The following GRIK1 variants were observed in gnomAD, a reference collection of about 807,000 sequenced individuals.
GRIK1 encodes glutamate receptor ionotropic, kainate 1.
A neutral mutation model predicts 105.7 loss-of-function variants in GRIK1; 69 were observed. The observed-to-expected ratio is 0.65, with a 90% CI of 0.54 to 0.80. The LOEUF (loss-of-function observed/expected upper bound fraction) is 0.80, where lower values mean the gene tolerates loss of function less well. Ranked by LOEUF, GRIK1 falls within the 30% of genes least tolerant of loss-of-function variation. The probability of loss-of-function intolerance (pLI) is 0.00; values close to 1 mark genes in which losing one functional copy is unlikely to be tolerated. For synonymous variants in GRIK1, 438 were observed against 431.3 expected, an observed-to-expected ratio of 1.02 and a Z score of -0.19; for missense variants, 1,109 against 1,167.3, an observed-to-expected ratio of 0.95 and a Z score of 0.73.
chr21:29,837,630 G>C (rs1024408645), intron 1 of GRIK1, among the ~76,000 whole-genome samples: 1 of 152,094 alleles, frequency 6.6e-6, no homozygotes, highest in African/African-American at 2.4e-5. Context: ...AAGCTTATGA[G>C]CATATAGTTC....
At chr21:29,788,321 A>G (rs192838146) in intron 1 of GRIK1, among the ~76,000 whole-genome samples, 7 of 152,290 alleles carry the variant, frequency 4.6e-5, no homozygotes, top group African/African-American at 1.7e-4. Flanking sequence ...ATTTGCAGAT[A>G]CCCAACGCCA....
Position 29,737,249 on chromosome 21 carries a change from A to G in GRIK1, c.119-43186T>C, listed in dbSNP as rs532909043. ...CCTGGGCAGTAATTCTGGCTCTAAC[A>G]TTTCTGCTTGAAGCACAAAGAAACT... is the stretch of plus-strand genomic sequence containing the variant. On this transcript the variant is annotated intron_variant, in intron 1 of 17. Coordinates refer to ENST00000327783, the MANE Select transcript of GRIK1 (RefSeq NM_001330994.2). Among the ~76,000 whole-genome samples, 5 of 152,268 alleles carry G rather than the reference A, an allele frequency of 3.3e-5. No individual in the cohort carries two copies. The South Asian group carries it at 1.0e-3, about 32-fold the overall frequency.
At chr21:29,895,704 T>G (rs1266123174) in intron 1 of GRIK1, among the ~76,000 whole-genome samples, 2 of 152,168 alleles carry the variant, frequency 1.3e-5, no homozygotes, top group African/African-American at 4.8e-5. Context: ...TGGTCTTCCT[T>G]TAATACATGC....
intron 3 of GRIK1, among the ~76,000 whole-genome samples, chr21:29,675,112 A>T (rs2063240969): frequency 6.6e-6 from 1 of 152,218 alleles, no homozygotes; most frequent in African/African-American, 2.4e-5. Context: ...TATTATTTAA[A>T]TGAGGAATTC....
intron 4 of GRIK1, among the ~76,000 whole-genome samples, chr21:29,663,446 G>T (rs991029087): frequency 5.3e-5 from 8 of 152,124 alleles, no homozygotes; most frequent in African/African-American, 1.9e-4. Context: ...GGGACTAGGA[G>T]GTGCTTAACT....
Position 29,921,863 on chromosome 21 carries a change from A to G in GRIK1, c.118+17520T>C, listed in dbSNP as rs1353072576. ...TTTGGTTTAAAAATTACCATTGACA[A>G]TACACTTCTTGCATTTCCTAGGTAC... On this transcript the variant is annotated intron_variant, in intron 1 of 17. Coordinates refer to ENST00000327783, the MANE Select transcript of GRIK1 (RefSeq NM_001330994.2). 2.6e-5 allele frequency among the ~76,000 whole-genome samples: 4 copies of G among 152,308 alleles called. No individual in the cohort carries two copies. The East Asian group carries it at 7.7e-4, about 29-fold the overall frequency.
intron 7 of GRIK1, among the ~76,000 whole-genome samples, chr21:29,622,551 C>A (rs969456065): frequency 6.6e-6 from 1 of 152,124 alleles, no homozygotes; most frequent in African/African-American, 2.4e-5. Context: ...TTCTGAGATG[C>A]CAGGGAGATC....
chr21:29,584,184 C>T (rs1303482899), intron 12 of GRIK1, among the ~76,000 whole-genome samples: 3 of 152,128 alleles, frequency 2.0e-5, no homozygotes, highest in African/African-American at 7.2e-5. Flanking sequence ...TGAGAATGCA[C>T]AGTAGGCTGC....
At chr21:29,658,941 A>AT (rs1329352106) in intron 4 of GRIK1, among the ~76,000 whole-genome samples, 1 of 152,094 alleles carries the variant, frequency 6.6e-6, no homozygotes, top group Admixed American at 6.5e-5. Flanking sequence ...GAATAAATAC[A>AT]TTTTTCTGTT....
In GRIK1 at chr21:29,707,107, G is replaced by A. The variant is rs897318299; in HGVS notation, c.119-13044C>T. On this transcript the variant is annotated intron_variant, in intron 1 of 17. Coordinates refer to ENST00000327783, the MANE Select transcript of GRIK1 (RefSeq NM_001330994.2). ...TCCTGATCTCCTGACCTCGTGATCC[G>A]CCCTCCTCGGCCTCCCGAAGTGCTG... Among the ~76,000 whole-genome samples the A allele has an allele frequency of 2.6e-5, 4 of 152,018 alleles. No homozygotes were observed. The South Asian group carries it at 6.2e-4, about 24-fold the overall frequency.
chr21:29,609,171 A>G (rs1399220722), intron 7 of GRIK1, among the ~76,000 whole-genome samples: 1 of 151,082 alleles, frequency 6.6e-6, no homozygotes, highest in Non-Finnish European at 1.5e-5. Flanking sequence ...TTAATAAGAT[A>G]TAGCTTTACA....
chr21:29,712,360 G>A (rs935679821), intron 1 of GRIK1, among the ~76,000 whole-genome samples: 44 of 151,682 alleles, frequency 2.9e-4, no homozygotes, highest in Non-Finnish European at 2.9e-5. Context: ...GAATAAAATG[G>A]TATTGGTACA....
At chr21:29,711,800 A>G (rs2064056469) in intron 1 of GRIK1, among the ~76,000 whole-genome samples, 1 of 152,080 alleles carries the variant, frequency 6.6e-6, no homozygotes, top group South Asian at 2.1e-4. Flanking sequence ...CATTGACTCA[A>G]AAGTTAGACG....
At chr21:29,773,205 CAGTGTAAG>C (rs2065856415) in intron 1 of GRIK1, among the ~76,000 whole-genome samples, 2 of 152,176 alleles carry the variant, frequency 1.3e-5, no homozygotes, top group Non-Finnish European at 2.9e-5. Flanking sequence ...TGCTTTGTAT[CAGTGTAAG>C]TCCTTCTTCT....
At chr21:29,731,560 A>G (rs2064626426) in intron 1 of GRIK1, among the ~76,000 whole-genome samples, 2 of 152,214 alleles carry the variant, frequency 1.3e-5, no homozygotes, top group Admixed American at 6.5e-5. Flanking sequence ...ATCTGGGCAC[A>G]ACAGTTTTGG....
intron 1 of GRIK1, among the ~76,000 whole-genome samples, chr21:29,888,096 G>A (rs74389421): frequency 0.041 from 6,139 of 151,256 alleles, 429 homozygotes; most frequent in African/African-American, 0.14. Context: ...TGAGGGAGAA[G>A]CCTGCACTCC....
chr21:29,695,425 T>C (rs2063675726), intron 1 of GRIK1, among the ~76,000 whole-genome samples: 1 of 151,224 alleles, frequency 6.6e-6, no homozygotes, highest in African/African-American at 2.4e-5. Context: ...GACATATCTA[T>C]ATCTATATCA....
At chr21:29,584,504 CACTT>C (rs1421410213) in intron 12 of GRIK1, among the ~76,000 whole-genome samples, 1 of 152,196 alleles carries the variant, frequency 6.6e-6, no homozygotes, top group African/African-American at 2.4e-5. Flanking sequence ...CTGACATACA[CACTT>C]AATTAAAAGT....
intron 7 of GRIK1, among the ~76,000 whole-genome samples, chr21:29,642,367 T>G (rs2062528983): frequency 6.6e-6 from 1 of 152,190 alleles, no homozygotes; most frequent in Admixed American, 6.5e-5. Flanking sequence ...AATGACAAAA[T>G]AGTCACTATA....
Sources: gnomAD v4.1 joint callset for allele counts (sites outside exome capture counted in the v4.1 genomes callset) on GRCh38, gnomAD v4.1.1 for gene constraint, MANE v1.5 for transcripts, NCBI Gene and HGNC (gene_info 2026-07-23, HGNC 2026-07-21) for gene names.